Variants in PALLD observed in about 807,000 individuals in gnomAD.
PALLD encodes palladin.
In PALLD, 61 loss-of-function variants were observed where a neutral mutation model predicts 123.5. That is an observed-to-expected ratio of 0.49 (90% CI 0.40 to 0.61). PALLD has a LOEUF of 0.61. PALLD is among the 20% of genes least tolerant of loss of function. The pLI is 0.00. For missense variants in PALLD, 1,273 were observed against 1,377.0 expected (o/e 0.92, Z 1.20); for synonymous variants, 465 against 496.4 (o/e 0.94, Z 0.84).
intron 10 of PALLD, among the ~76,000 whole-genome samples, chr4:168,853,755 A>G (rs1424393301): frequency 6.6e-6 from 1 of 152,206 alleles, no homozygotes; most frequent in East Asian, 1.9e-4. Flanking sequence ...CCCAAGAGCA[A>G]GCGAAAGTCA....
rs750212578 is a variant in PALLD, at chr4:168,877,714, T to TC, written c.1965-13202dup. On this transcript the variant is annotated intron_variant, in intron 10 of 21. Transcript: ENST00000505667. ...TCTCTGAAGGTGTCACTTCTCTTTT[T>TC]CCCCCCAGGGACCCTCTGAAGCTCC... 5 of 1,127,704 alleles carry TC rather than the reference T, an allele frequency of 4.4e-6. No homozygotes were observed. In the African/African-American group the frequency reaches 4.9e-5, roughly 11 times the overall value. The allele number at this position is 1,127,704 out of a possible 1,614,324, so 69.9% of individuals were successfully genotyped here.
At position 168,878,233 on chromosome 4, in the gene PALLD, A is replaced by G. The variant is rs1305779780; in HGVS notation, c.1965-12689A>G. On this transcript the variant is annotated intron_variant, in intron 10 of 21. Transcript: ENST00000505667. ...ACGTGTTCCCACTGCCGCCGCCACCACCGCCGCTCCCGAGCCCGGGACAGG... is the reference window on the plus strand; with the variant it reads ...ACGTGTTCCCACTGCCGCCGCCACCGCCGCCGCTCCCGAGCCCGGGACAGG... 1.0e-5 allele frequency: 15 copies of G among 1,497,624 alleles called. No homozygotes were observed. The highest frequency in any genetic ancestry group is 2.5e-5 in the South Asian group (2 of 81,132). The allele number at this position is 1,497,624 out of a possible 1,614,324, so 92.8% of individuals were successfully genotyped here.
chr4:168,832,004 C>CT, intron 10 of PALLD: 1 of 985,446 alleles, frequency 1.0e-6, no homozygotes, highest in Non-Finnish European at 1.2e-6. Context: ...CCGCCGGACT[C>CT]TTATTTTGAA....
chr4:168,769,221 A>G lies in PALLD; in HGVS notation c.1964+57298A>G, dbSNP rs986685930. Among the ~76,000 whole-genome samples the G allele has an allele frequency of 8.5e-5, 13 of 152,340 alleles. No homozygotes were observed. In the South Asian group the frequency reaches 2.1e-3, roughly 24 times the overall value. On this transcript the variant is annotated intron_variant, in intron 10 of 21. Coordinates refer to ENST00000505667, the MANE Select transcript of PALLD (RefSeq NM_001166108.2). ...AAAATAAGCTGTTCTCCTGGCTTCT[A>G]TAAATCAGATTTCCACGCACACAAT...
intron 2 of PALLD, among the ~76,000 whole-genome samples, chr4:168,568,280 C>T (rs966013184): frequency 6.6e-6 from 1 of 151,970 alleles, no homozygotes; most frequent in African/African-American, 2.4e-5. Context: ...AATTCTATAG[C>T]AGAACACTGA....
intron 2 of PALLD, among the ~76,000 whole-genome samples, chr4:168,523,129 A>G (rs1372675497): frequency 6.6e-6 from 1 of 151,818 alleles, no homozygotes; most frequent in East Asian, 1.9e-4. Flanking sequence ...TGGTTGTTGA[A>G]AATGGTGAGT....
chr4:168,743,038 G>A lies in PALLD; in HGVS notation c.1964+31115G>A, dbSNP rs550805677. ...TTAAACGCCATTCTCTGCCTTCCAG[G>A]AGCTATAGACTAGAATAGATTGCCT... On this transcript the variant is annotated intron_variant, in intron 10 of 21. Coordinates refer to ENST00000505667, the MANE Select transcript of PALLD (RefSeq NM_001166108.2). Among the ~76,000 whole-genome samples, 8 of 152,098 alleles carry A rather than the reference G, an allele frequency of 5.3e-5. No homozygotes were observed. The South Asian group carries it at 1.7e-3, about 32-fold the overall frequency.
chr4:168,870,254 C>T (rs1194710053), intron 10 of PALLD, among the ~76,000 whole-genome samples: 1 of 152,176 alleles, frequency 6.6e-6, no homozygotes, highest in Non-Finnish European at 1.5e-5. Flanking sequence ...CCAACTCTAG[C>T]CCCATAGAAA....
At chr4:168,525,512 C>G (rs1763960032) in intron 2 of PALLD, among the ~76,000 whole-genome samples, 1 of 152,304 alleles carries the variant, frequency 6.6e-6, no homozygotes, top group South Asian at 2.1e-4. Context: ...GTTTCACTGA[C>G]TGAACATTTG....
At chr4:168,507,822 C>T in intron 1 of PALLD, 1 of 175,494 alleles carries the variant, frequency 5.7e-6, no homozygotes, top group Non-Finnish European at 1.2e-5. Context: ...GCTTTCTAGC[C>T]TTATCTCTGG....
chr4:168,903,855 C>G lies in PALLD; in HGVS notation c.2571C>G (p.Ala857=). 6.2e-7 allele frequency: 1 copy of G among 1,613,832 alleles called. No homozygotes were observed. The highest frequency in any genetic ancestry group is 8.5e-7 in the Non-Finnish European group (1 of 1,179,756). Residue 857 remains alanine, a synonymous_variant, in exon 15 of 22, where the codon GCC becomes GCG. Transcript: ENST00000505667. The part of the protein sequence containing the change: ...LDGTCSLHTT[A]STLDDDGNYT... ...GGACCTGCTCCCTCCATACCACAGC[C>G]TCCACCCTAGATGATGATGGGAATT...
intron 10 of PALLD, among the ~76,000 whole-genome samples, chr4:168,793,724 G>A (rs908019779): frequency 6.6e-6 from 1 of 152,166 alleles, no homozygotes; most frequent in Admixed American, 6.5e-5. Context: ...CACAGGAAGA[G>A]CACAGCCCAT....
At chr4:168,713,050 G>A (rs1784990030) in intron 10 of PALLD, among the ~76,000 whole-genome samples, 1 of 152,122 alleles carries the variant, frequency 6.6e-6, no homozygotes, top group South Asian at 2.1e-4. Flanking sequence ...GTTAAGAAAT[G>A]GGCTAACAAT....
intron 10 of PALLD, among the ~76,000 whole-genome samples, chr4:168,864,928 A>G (rs1416119392): frequency 6.6e-6 from 1 of 152,242 alleles, no homozygotes; most frequent in Admixed American, 6.5e-5. Context: ...ATATAACCAC[A>G]TTGGAAACTT....
chr4:168,502,315 C>A (rs1044870215), intron 1 of PALLD, among the ~76,000 whole-genome samples: 1 of 152,054 alleles, frequency 6.6e-6, no homozygotes, highest in African/African-American at 2.4e-5. Context: ...AGAATAAATG[C>A]TTTTCTAGTT....
At chr4:168,883,890 GT>G (rs1358776801) in intron 10 of PALLD, among the ~76,000 whole-genome samples, 3 of 150,544 alleles carry the variant, frequency 2.0e-5, no homozygotes, top group African/African-American at 7.3e-5. Context: ...AAGAGTTCTG[GT>G]TTTGGTAACT....
At chr4:168,676,225 G>C (rs1347088782) in intron 3 of PALLD, among the ~76,000 whole-genome samples, 1 of 151,294 alleles carries the variant, frequency 6.6e-6, no homozygotes, top group East Asian at 1.9e-4. Flanking sequence ...ATCTACCCAT[G>C]TCATTAAACG....
intron 2 of PALLD, among the ~76,000 whole-genome samples, chr4:168,591,115 G>T (rs1771381682): frequency 6.6e-6 from 1 of 152,050 alleles, no homozygotes; most frequent in African/African-American, 2.4e-5. Context: ...CTGACCTCAG[G>T]TGATCCACCT....
rs115407358 is a variant in PALLD, at chr4:168,860,098, G to A, written c.1965-30824G>A. 8.1e-3 allele frequency among the ~76,000 whole-genome samples: 1,232 copies of A among 152,218 alleles called. 12 individuals carry two copies. Among genetic ancestry groups the A allele is most frequent in the African/African-American group, 0.028 (1,165 of 41,528 alleles). ...GTGCAGGTCTGGAGGATGTGAAATC[G>A]GGTGAACACACAACCTTTACACCCG... On this transcript the variant is annotated intron_variant, in intron 10 of 21. Transcript: ENST00000505667.
Sources: allele counts gnomAD v4.1 joint callset (sites outside exome capture counted in the v4.1 genomes callset), GRCh38; gene constraint gnomAD v4.1.1; transcripts MANE v1.5; gene names NCBI Gene and HGNC (gene_info 2026-07-23, HGNC 2026-07-21).